The following AFF3 variants were observed in gnomAD, a reference collection of about 807,000 sequenced individuals.
The protein encoded by AFF3 is ALF transcription elongation factor 3.
AFF3 carries 32 observed loss-of-function variants against 129.7 expected under a neutral mutation model. That is an observed-to-expected ratio of 0.25 (90% CI 0.19 to 0.33). AFF3 has a LOEUF of 0.33. Among genes scored for constraint, AFF3 ranks in the 10% least tolerant of loss-of-function variants. The pLI is 1.00. For missense variants in AFF3, 1,373 were observed against 1,592.0 expected, an observed-to-expected ratio of 0.86 and a Z score of 2.34; for synonymous variants, 644 against 635.4, an observed-to-expected ratio of 1.01 and a Z score of -0.20.
intron 7 of AFF3, among the ~76,000 whole-genome samples, chr2:99,981,900 A>G (rs771329824): frequency 1.1e-4 from 16 of 152,240 alleles, no homozygotes; most frequent in Non-Finnish European, 1.5e-4. Flanking sequence ...GTTCTTGTCC[A>G]TGGACTGTTA....
At chr2:99,729,351 G>A (rs1679619186) in intron 10 of AFF3, among the ~76,000 whole-genome samples, 1 of 152,034 alleles carries the variant, frequency 6.6e-6, no homozygotes, top group African/African-American at 2.4e-5. Context: ...GCTCTTAGCA[G>A]CACTTATGTT....
intron 13 of AFF3, among the ~76,000 whole-genome samples, chr2:99,611,363 G>A (rs1204862225): frequency 2.6e-5 from 4 of 152,132 alleles, no homozygotes; most frequent in Admixed American, 6.6e-5. Flanking sequence ...GGTATGATGA[G>A]TGATTTTCTA....
intron 7 of AFF3, among the ~76,000 whole-genome samples, chr2:100,002,914 G>T (rs1681563083): frequency 6.6e-6 from 1 of 152,154 alleles, no homozygotes; most frequent in South Asian, 2.1e-4. Context: ...CCTATTTTGT[G>T]CCCTGCCCCC....
intron 7 of AFF3, among the ~76,000 whole-genome samples, chr2:99,850,196 C>T (rs1690043012): frequency 1.3e-5 from 2 of 152,180 alleles, no homozygotes; most frequent in African/African-American, 4.8e-5. Context: ...TAGCCTCCTC[C>T]CCTCTTCCTA....
chr2:99,692,353 C>G (rs530540619), intron 11 of AFF3, among the ~76,000 whole-genome samples: 6 of 152,232 alleles, frequency 3.9e-5, no homozygotes, highest in East Asian at 3.9e-4. Flanking sequence ...TGCTCTCCCC[C>G]TTCTTCAGCA....
intron 7 of AFF3, among the ~76,000 whole-genome samples, chr2:99,926,709 G>GA (rs1696268662): frequency 6.7e-6 from 1 of 150,290 alleles, no homozygotes; most frequent in Non-Finnish European, 1.5e-5. Flanking sequence ...GCCCTGCCTG[G>GA]GGGTTACAGA....
chr2:99,950,502 G>C (rs1676051615), intron 7 of AFF3, among the ~76,000 whole-genome samples: 1 of 152,150 alleles, frequency 6.6e-6, no homozygotes, highest in Non-Finnish European at 1.5e-5. Flanking sequence ...GGTCATGTTT[G>C]TTTCCTGCAT....
Position 99,947,593 on chromosome 2 carries a change from AAGAAAGAAAGAT to A in AFF3, c.873+59027_873+59038del, listed in dbSNP as rs201325784. Reference sequence around the variant, plus strand: ...AGAAAGAAAAGAAAAGAAAGAAAGAAAGAAAGAAAGATAGATAGATAGATAGATAGATAGATA... The same window carrying A: ...AGAAAGAAAAGAAAAGAAAGAAAGAAAGATAGATAGATAGATAGATAGATA... On this transcript the variant is annotated intron_variant, in intron 7 of 24. Coordinates refer to ENST00000672756, the MANE Select transcript of AFF3 (RefSeq NM_001386135.1). Among the ~76,000 whole-genome samples, 161 of 140,262 alleles carry A rather than the reference AAGAAAGAAAGAT, an allele frequency of 1.1e-3. 1 individual carries two copies. In the East Asian group the frequency reaches 0.018, roughly 16 times the overall value. 92.0% of individuals were successfully genotyped at this position (140,262 alleles called of 152,430 possible). A position where few individuals can be genotyped will look rare whatever the true frequency, so the allele number is the denominator to read the frequency against.
In AFF3 at chr2:99,991,909, AAAAACAAAAAC is replaced by A. The variant is rs1559038626; in HGVS notation, c.873+14712_873+14722del. Among the ~76,000 whole-genome samples, 603 of 151,490 alleles carry A rather than the reference AAAAACAAAAAC, an allele frequency of 4.0e-3. 4 individuals carry two copies. Among genetic ancestry groups the A allele is most frequent in the African/African-American group, 0.014 (586 of 41,044 alleles). On this transcript the variant is annotated intron_variant, in intron 7 of 24. Transcript: ENST00000672756. Reference sequence around the variant, plus strand: ...CAGAGCAAGATTTTGTCTCAAAAACAAAAACAAAAACAAAAAAACCCAAAAAACCTTATCAT... The same window carrying A: ...CAGAGCAAGATTTTGTCTCAAAAACAAAAAAAACCCAAAAAACCTTATCAT...
chr2:99,838,934 C>T (rs976522462), intron 7 of AFF3, among the ~76,000 whole-genome samples: 45 of 152,146 alleles, frequency 3.0e-4, no homozygotes, highest in African/African-American at 1.0e-3. Context: ...CTCTACCCTT[C>T]ACTTGAGTTA....
chr2:100,060,681 C>G (rs1335064169), intron 4 of AFF3, among the ~76,000 whole-genome samples: 2 of 152,064 alleles, frequency 1.3e-5, no homozygotes, highest in African/African-American at 4.8e-5. Flanking sequence ...GCAGAGAACC[C>G]TTGTATACCC....
intron 8 of AFF3, among the ~76,000 whole-genome samples, chr2:99,768,159 G>A (rs1264369966): frequency 6.6e-6 from 1 of 151,968 alleles, no homozygotes; most frequent in African/African-American, 2.4e-5. Context: ...GTTTTTAATT[G>A]AAAAAGTATT....
intron 2 of AFF3, among the ~76,000 whole-genome samples, chr2:100,120,986 A>T (rs1025947997): frequency 2.0e-5 from 3 of 152,196 alleles, no homozygotes; most frequent in African/African-American, 7.2e-5. Flanking sequence ...TAAGGATAGA[A>T]ATAGATTCAG....
chr2:99,908,217 T>C (rs1008927180), intron 7 of AFF3, among the ~76,000 whole-genome samples: 3 of 152,116 alleles, frequency 2.0e-5, no homozygotes, highest in Admixed American at 6.5e-5. Context: ...TTTTTTGGAA[T>C]AGGTGGGGAA....
At chr2:100,072,081 C>T (rs1381200377) in intron 4 of AFF3, among the ~76,000 whole-genome samples, 3 of 152,098 alleles carry the variant, frequency 2.0e-5, no homozygotes, top group Admixed American at 2.0e-4. Context: ...AAGACATTTC[C>T]CCTCCCCATG....
chr2:99,865,520 A>G (rs1691326458), intron 7 of AFF3, among the ~76,000 whole-genome samples: 1 of 152,252 alleles, frequency 6.6e-6, no homozygotes, highest in Non-Finnish European at 1.5e-5. Flanking sequence ...CCAACCCAGC[A>G]AAATGAAATG....
intron 7 of AFF3, among the ~76,000 whole-genome samples, chr2:99,966,805 T>C (rs1464910286): frequency 1.3e-5 from 2 of 150,540 alleles, no homozygotes; most frequent in African/African-American, 2.4e-5. Context: ...AAAATCTTTA[T>C]CATAATATTT....
At chr2:99,621,357 G>T (rs1681986531) in intron 13 of AFF3, among the ~76,000 whole-genome samples, 1 of 152,206 alleles carries the variant, frequency 6.6e-6, no homozygotes, top group Non-Finnish European at 1.5e-5. Flanking sequence ...TAGGAGTCTA[G>T]ATAATTCTCA....
intron 13 of AFF3, among the ~76,000 whole-genome samples, chr2:99,648,881 G>GCA (rs367768868): frequency 0.028 from 1,821 of 65,068 alleles, 153 homozygotes; most frequent in African/African-American, 0.08. Flanking sequence ...CTCAAAACAC[G>GCA]CGCGCACACA....
Sources: allele counts gnomAD v4.1 joint callset (sites outside exome capture counted in the v4.1 genomes callset), GRCh38; gene constraint gnomAD v4.1.1; transcripts MANE v1.5; gene names NCBI Gene and HGNC (gene_info 2026-07-23, HGNC 2026-07-21).